Variants in HS3ST4 observed in about 807,000 individuals in gnomAD.
The protein encoded by HS3ST4 is heparan sulfate glucosamine 3-O-sulfotransferase 4.
Under a neutral mutation model 29.2 loss-of-function variants are expected in HS3ST4, and 17 were observed. The observed-to-expected ratio is 0.58, with a 90% CI of 0.40 to 0.87. The LOEUF is 0.87. Ranked by LOEUF, HS3ST4 falls within the 40% of genes least tolerant of loss-of-function variation. The pLI is 0.00. For missense variants in HS3ST4, 627 were observed against 634.5 expected (o/e 0.99, Z 0.13); for synonymous variants, 314 against 285.7 (o/e 1.10, Z -1.00).
intron 1 of HS3ST4, among the ~76,000 whole-genome samples, chr16:25,954,411 C>G (rs1968708936): frequency 6.6e-6 from 1 of 152,176 alleles, no homozygotes. Flanking sequence ...CGGTTTCTAG[C>G]TGCTTGATCA....
chr16:26,085,249 C>T (rs925839871), intron 1 of HS3ST4, among the ~76,000 whole-genome samples: 1 of 152,152 alleles, frequency 6.6e-6, no homozygotes, highest in African/African-American at 2.4e-5. Context: ...ACAGTAACAC[C>T]CACTTCTCGG....
intron 1 of HS3ST4, among the ~76,000 whole-genome samples, chr16:25,981,194 CA>C (rs1162932246): frequency 6.6e-6 from 1 of 151,908 alleles, no homozygotes; most frequent in Non-Finnish European, 1.5e-5. Context: ...CCCATCTCTA[CA>C]AAAATACAAA....
At chr16:25,740,805 T>A (rs1382077040) in intron 1 of HS3ST4, among the ~76,000 whole-genome samples, 2 of 152,088 alleles carry the variant, frequency 1.3e-5, no homozygotes, top group East Asian at 3.9e-4. Context: ...AACCAGGGGT[T>A]CACATATCCT....
intron 1 of HS3ST4, among the ~76,000 whole-genome samples, chr16:26,064,077 G>A (rs1433450539): frequency 2.6e-5 from 4 of 151,968 alleles, no homozygotes; most frequent in Admixed American, 2.6e-4. Context: ...ACATAAACAA[G>A]AGAATGGGGC....
At chr16:25,854,458 G>T (rs1967553523) in intron 1 of HS3ST4, among the ~76,000 whole-genome samples, 1 of 152,076 alleles carries the variant, frequency 6.6e-6, no homozygotes, top group South Asian at 2.1e-4. Context: ...GGTGAGTTTT[G>T]GTTGCCTTCT....
chr16:25,950,328 A>G (rs1297343328), intron 1 of HS3ST4, among the ~76,000 whole-genome samples: 4 of 152,022 alleles, frequency 2.6e-5, no homozygotes, highest in Non-Finnish European at 4.4e-5. Flanking sequence ...TAAACTGTAA[A>G]TGAACAGAGA....
intron 1 of HS3ST4, among the ~76,000 whole-genome samples, chr16:25,802,515 A>G (rs1252538064): frequency 2.0e-5 from 3 of 152,082 alleles, no homozygotes; most frequent in Non-Finnish European, 4.4e-5. Context: ...ATTCTTTAAT[A>G]CTGCAGTCTC....
intron 1 of HS3ST4, among the ~76,000 whole-genome samples, chr16:25,991,878 G>C (rs1010279141): frequency 9.9e-5 from 15 of 152,080 alleles, no homozygotes; most frequent in African/African-American, 3.4e-4. Context: ...AAAATTAGCC[G>C]GGCGTGGTGG....
At chr16:25,788,093 G>A (rs1478238428) in intron 1 of HS3ST4, among the ~76,000 whole-genome samples, 2 of 152,138 alleles carry the variant, frequency 1.3e-5, no homozygotes, top group African/African-American at 4.8e-5. Flanking sequence ...AAGTCCAAGA[G>A]TGTATGTGAT....
intron 1 of HS3ST4, among the ~76,000 whole-genome samples, chr16:25,949,447 C>T (rs769494235): frequency 2.0e-5 from 3 of 152,120 alleles, no homozygotes; most frequent in Non-Finnish European, 4.4e-5. Context: ...TTTGATTGAA[C>T]AAGTGAATGT....
intron 1 of HS3ST4, among the ~76,000 whole-genome samples, chr16:25,992,716 G>A (rs1293074737): frequency 6.6e-6 from 1 of 152,232 alleles, no homozygotes; most frequent in East Asian, 1.9e-4. Flanking sequence ...TTGAGGCTAA[G>A]GGTGAAAAGC....
intron 1 of HS3ST4, among the ~76,000 whole-genome samples, chr16:26,122,505 G>A (rs752377364): frequency 1.3e-5 from 2 of 152,176 alleles, no homozygotes; most frequent in South Asian, 2.1e-4. Flanking sequence ...TACAGTTTGT[G>A]CAGTTTGAGG....
intron 1 of HS3ST4, among the ~76,000 whole-genome samples, chr16:25,819,681 AG>A (rs1967127651): frequency 6.6e-6 from 1 of 152,034 alleles, no homozygotes; most frequent in Non-Finnish European, 1.5e-5. Context: ...TAATAGCGGG[AG>A]GGATATTTTC....
chr16:25,912,123 T>C (rs748396179), intron 1 of HS3ST4, among the ~76,000 whole-genome samples: 15 of 152,164 alleles, frequency 9.9e-5, no homozygotes, highest in Non-Finnish European at 1.9e-4. Context: ...ATCTGTGTTC[T>C]TAGTAACAGG....
In HS3ST4 at chr16:25,692,335, G is replaced by A; in HGVS notation, c.-83G>A. On this transcript the variant is annotated 5_prime_UTR_variant, in exon 1 of 2. Coordinates refer to ENST00000331351, the MANE Select transcript of HS3ST4 (RefSeq NM_006040.3). The stretch of plus-strand genomic sequence containing the variant: ...CGGCGGCGGCGGCGGCGGCGGCGGC[G>A]GCGGGGGCGGCGGCTGAAACCATGT... 6.2e-6 allele frequency: 1 copy of A among 161,546 alleles called. No homozygotes were observed. The allele number at this position is 161,546 out of a possible 1,614,324, so 10.0% of individuals were successfully genotyped here. A position where few individuals can be genotyped will look rare whatever the true frequency, so the allele number is the denominator to read the frequency against.
intron 1 of HS3ST4, among the ~76,000 whole-genome samples, chr16:25,771,472 ACTCTC>A (rs1966841947): frequency 6.6e-6 from 1 of 151,362 alleles, no homozygotes; most frequent in Admixed American, 6.6e-5. Flanking sequence ...CTTTGCACAG[ACTCTC>A]CTCTCTGCTT....
Position 25,873,855 on chromosome 16 carries a change from G to T in HS3ST4, c.734+180704G>T, listed in dbSNP as rs1327888542. On this transcript the variant is annotated intron_variant, in intron 1 of 1. Transcript: ENST00000331351. ...ATCCATCTATCCTGCCCTACATCCA[G>T]CCTTATACCTGTTTAGTACAATTGT... 2.0e-5 allele frequency among the ~76,000 whole-genome samples: 3 copies of T among 152,000 alleles called. No individual in the cohort carries two copies. The East Asian group carries it at 5.8e-4, about 29-fold the overall frequency.
chr16:26,100,485 A>G (rs564257083), intron 1 of HS3ST4, among the ~76,000 whole-genome samples: 29 of 152,150 alleles, frequency 1.9e-4, no homozygotes, highest in Non-Finnish European at 3.8e-4. Flanking sequence ...GCTCATGAGC[A>G]GGTATCCTCT....
intron 1 of HS3ST4, among the ~76,000 whole-genome samples, chr16:25,996,691 A>C (rs558751081): frequency 6.6e-6 from 1 of 152,306 alleles, no homozygotes; most frequent in Non-Finnish European, 1.5e-5. Context: ...GTATCTGCCA[A>C]GGCAAGTCAT....
Sources: gnomAD v4.1 joint callset for allele counts (sites outside exome capture counted in the v4.1 genomes callset) on GRCh38, gnomAD v4.1.1 for gene constraint, MANE v1.5 for transcripts, NCBI Gene and HGNC (gene_info 2026-07-23, HGNC 2026-07-21) for gene names.